Variants in HDAC9 observed in about 807,000 individuals in gnomAD.
HDAC9 encodes histone deacetylase 9, also known as MEF-2 interacting transcription repressor (MITR) protein.
HDAC9 carries 41 observed loss-of-function variants against 139.4 expected under a neutral mutation model. The ratio of observed to expected loss-of-function variants is 0.29; its 90% CI spans 0.23 to 0.38. The LOEUF (loss-of-function observed/expected upper bound fraction) is 0.38. Ranked by LOEUF, HDAC9 falls within the 10% of genes least tolerant of loss-of-function variation. The pLI is 1.00. For synonymous variants in HDAC9, 517 were observed against 476.2 expected (o/e 1.09, Z -1.12); for missense variants, 1,147 against 1,297.0 (o/e 0.88, Z 1.78).
At chr7:18,319,428 C>A (rs997103440) in intron 1 of HDAC9, among the ~76,000 whole-genome samples, 1 of 152,242 alleles carries the variant, frequency 6.6e-6, no homozygotes, top group Admixed American at 6.5e-5. Context: ...AGATTCCCAG[C>A]CAGATTTTAA....
chr7:18,292,182 C>T (rs1275330023), intron 1 of HDAC9, among the ~76,000 whole-genome samples: 1 of 151,932 alleles, frequency 6.6e-6, no homozygotes, highest in Non-Finnish European at 1.5e-5. Flanking sequence ...ATGTGGTTTT[C>T]TTATTTAATC....
At chr7:18,760,322 T>C (rs1219430010) in intron 14 of HDAC9, among the ~76,000 whole-genome samples, 2 of 152,278 alleles carry the variant, frequency 1.3e-5, no homozygotes, top group South Asian at 2.1e-4. Flanking sequence ...AATGTTGCCT[T>C]CGAATTTTCT....
intron 2 of HDAC9, among the ~76,000 whole-genome samples, chr7:18,529,184 G>A (rs1001200865): frequency 3.3e-5 from 5 of 149,258 alleles, no homozygotes; most frequent in African/African-American, 1.2e-4. Context: ...AACCAGAGAA[G>A]AAAAAAAAAA....
intron 1 of HDAC9, chr7:18,087,243 T>C (rs941844793): frequency 1.3e-5 from 2 of 152,298 alleles, no homozygotes; most frequent in Admixed American, 6.5e-5. Context: ...AGTCCCCGGC[T>C]GGTGCTTGAG....
At chr7:18,647,130 C>T (rs1187067025) in intron 9 of HDAC9, among the ~76,000 whole-genome samples, 3 of 152,120 alleles carry the variant, frequency 2.0e-5, no homozygotes, top group Non-Finnish European at 4.4e-5. Flanking sequence ...TCCATCTTAT[C>T]TCCAGCTTCT....
upstream of HDAC9, among the ~76,000 whole-genome samples, chr7:18,492,321 T>G (rs537979584): frequency 1.3e-5 from 2 of 152,074 alleles, no homozygotes; most frequent in South Asian, 4.1e-4. Context: ...GAAAAGGTCA[T>G]TGTGAGCTAG....
chr7:18,767,320 A>C (rs1025429314), intron 16 of HDAC9, among the ~76,000 whole-genome samples, 165 bp downstream of exon 16: 7 of 152,208 alleles, frequency 4.6e-5, no homozygotes, highest in Non-Finnish European at 1.0e-4. Context: ...AAAACGTGGC[A>C]GCCCTTGTTA....
intron 21 of HDAC9, among the ~76,000 whole-genome samples, chr7:18,871,500 A>C (rs987490425): frequency 1.3e-5 from 2 of 152,188 alleles, no homozygotes; most frequent in African/African-American, 4.8e-5. Context: ...TGATTCATCT[A>C]TTATATATTA....
At chr7:18,501,274 A>G (rs147394531) in intron 2 of HDAC9, among the ~76,000 whole-genome samples, 46 of 152,232 alleles carry the variant, frequency 3.0e-4, no homozygotes, top group African/African-American at 9.4e-4. Flanking sequence ...AAAAATATTA[A>G]TAAAGCTGGC....
At chr7:18,833,457 TG>T (rs1242024913) in intron 19 of HDAC9, among the ~76,000 whole-genome samples, 24 of 152,234 alleles carry the variant, frequency 1.6e-4, no homozygotes, top group Admixed American at 1.2e-3. Flanking sequence ...AAATTACTAT[TG>T]TATAGGGGAA....
chr7:18,298,004 TCA>T (rs1181300399), intron 1 of HDAC9, among the ~76,000 whole-genome samples: 3 of 152,198 alleles, frequency 2.0e-5, no homozygotes, highest in Admixed American at 6.5e-5. Flanking sequence ...TTCGTTTTTC[TCA>T]GAGTCCTGCT....
At chr7:18,232,356 G>A (rs1793521002) in intron 2 of HDAC9, among the ~76,000 whole-genome samples, 1 of 152,028 alleles carries the variant, frequency 6.6e-6, no homozygotes, top group South Asian at 2.1e-4. Flanking sequence ...CCTTGTTACT[G>A]TAGTCCCAAC....
Position 18,268,393 on chromosome 7 carries a change from GTTTGAATTTTAAATTTTACTT to G in HDAC9, c.25+106046_25+106066del, listed in dbSNP as rs911775612. On this transcript the variant is annotated intron_variant, in intron 2 of 12. Coordinates refer to the HDAC9 transcript ENST00000417496. ...TTTGCATGACCAAAGTTTGTTATTA[GTTTGAATTTTAAATTTTACTT>G]TATGGGCATAAGTTTATGAACTCAT... 7.2e-5 allele frequency among the ~76,000 whole-genome samples: 11 copies of G among 151,802 alleles called. 1 individual carries two copies. The highest frequency in any genetic ancestry group is 2.7e-4 in the African/African-American group (11 of 41,340).
chr7:18,142,796 G>A (rs1045123194), intron 1 of HDAC9, among the ~76,000 whole-genome samples: 3 of 152,150 alleles, frequency 2.0e-5, no homozygotes, highest in South Asian at 4.1e-4. Flanking sequence ...GGACGTGGCG[G>A]GTCAAGACTA....
chr7:18,280,186 T>A (rs941834333), intron 2 of HDAC9, among the ~76,000 whole-genome samples: 1 of 152,192 alleles, frequency 6.6e-6, no homozygotes, highest in Non-Finnish European at 1.5e-5. Context: ...GCACAGTGGC[T>A]CACCCATGTA....
At chr7:18,383,867 T>C (rs1274471475) in intron 1 of HDAC9, among the ~76,000 whole-genome samples, 2 of 147,990 alleles carry the variant, frequency 1.4e-5, no homozygotes, top group African/African-American at 5.0e-5. Flanking sequence ...CCAGCCTGGG[T>C]GACAGAGCGA....
At chr7:18,365,683 A>G (rs778957729) in intron 1 of HDAC9, among the ~76,000 whole-genome samples, 22 of 151,806 alleles carry the variant, frequency 1.4e-4, no homozygotes, top group Admixed American at 3.3e-4. Context: ...CATTTGAACA[A>G]TTTTATGTTT....
chr7:18,404,606 A>G (rs1301797582), intron 1 of HDAC9, among the ~76,000 whole-genome samples: 1 of 152,196 alleles, frequency 6.6e-6, no homozygotes, highest in Non-Finnish European at 1.5e-5. Context: ...ATTAATAGTT[A>G]AGCTTAGAAA....
At chr7:18,823,491 T>TGGCAATTTTACCATGGGAGTATGTTGGA (rs1795140401) in intron 17 of HDAC9, among the ~76,000 whole-genome samples, 1 of 152,188 alleles carries the variant, frequency 6.6e-6, no homozygotes, top group African/African-American at 2.4e-5. Flanking sequence ...TTAATCAGGA[T>TGGCAATTTTACCATGGGAGTATGTTGGA]GGCAATTTTA....
Sources: allele counts gnomAD v4.1 joint callset (sites outside exome capture counted in the v4.1 genomes callset), GRCh38; gene constraint gnomAD v4.1.1; transcripts MANE v1.5; gene names NCBI Gene and HGNC (gene_info 2026-07-23, HGNC 2026-07-21).